The following SLC30A7 variants were observed in gnomAD, a reference collection of about 807,000 sequenced individuals.
SLC30A7 encodes the protein solute carrier family 30 member 7, also known as zinc transporter 7.
A neutral mutation model predicts 46.0 loss-of-function variants in SLC30A7; 35 were observed. The observed-to-expected ratio is 0.76, with a 90% CI of 0.58 to 1.01. The LOEUF is 1.01. Among genes scored for constraint, SLC30A7 ranks in the 50% least tolerant of loss-of-function variants. The pLI is 0.00. For missense variants in SLC30A7, 464 were observed against 451.1 expected, an observed-to-expected ratio of 1.03 and a Z score of -0.26; for synonymous variants, 147 against 157.8, an observed-to-expected ratio of 0.93 and a Z score of 0.51.
At chr1:100,994,987 T>C in the SLC30A7 span, 1 of 644,504 alleles carries the variant, frequency 1.6e-6, no homozygotes, top group Non-Finnish European at 2.8e-6. Flanking sequence ...AAATGCTTAA[T>C]GTTCACACTG....
chr1:100,914,557 A>G (rs1652354907), intron 6 of SLC30A7, among the ~76,000 whole-genome samples: 1 of 152,116 alleles, frequency 6.6e-6, no homozygotes, highest in African/African-American at 2.4e-5. Flanking sequence ...AAATCTTTGG[A>G]TGCTAACTTA....
At chr1:100,993,974 C>A in the SLC30A7 span, among the ~76,000 whole-genome samples, 1 of 151,980 alleles carries the variant, frequency 6.6e-6, no homozygotes, top group Non-Finnish European at 1.5e-5. Context: ...GAACTGCTGA[C>A]CTCGTGATCC....
At chr1:100,908,726 AG>A (rs1158913914) in intron 3 of SLC30A7, among the ~76,000 whole-genome samples, 2 of 152,122 alleles carry the variant, frequency 1.3e-5, no homozygotes, top group Non-Finnish European at 2.9e-5. Flanking sequence ...TATTAAAGAA[AG>A]ATTATATCCA....
At chr1:100,952,941 G>A (rs1655033612) in intron 8 of SLC30A7, among the ~76,000 whole-genome samples, 1 of 152,154 alleles carries the variant, frequency 6.6e-6, no homozygotes, top group Non-Finnish European at 1.5e-5. Flanking sequence ...GATATGGTTT[G>A]GATTTGTGTC....
At chr1:100,994,369 C>G in the SLC30A7 span, among the ~76,000 whole-genome samples, 1 of 152,124 alleles carries the variant, frequency 6.6e-6, no homozygotes, top group Non-Finnish European at 1.5e-5. Flanking sequence ...AGCCACATTT[C>G]AAATGCTCCT....
intron 6 of SLC30A7, among the ~76,000 whole-genome samples, chr1:100,914,066 A>T (rs1178575968): frequency 6.6e-6 from 1 of 152,000 alleles, no homozygotes; most frequent in Non-Finnish European, 1.5e-5. Context: ...TTTAATTTTT[A>T]ATTTTTGTGG....
intron 8 of SLC30A7, among the ~76,000 whole-genome samples, chr1:100,928,614 A>T (rs1053067504): frequency 6.6e-6 from 1 of 151,764 alleles, no homozygotes; most frequent in Non-Finnish European, 1.5e-5. Context: ...TTTATTTTTC[A>T]TAATATTTTT....
chr1:100,952,184 T>C (rs149620695), intron 8 of SLC30A7, among the ~76,000 whole-genome samples: 1 of 152,258 alleles, frequency 6.6e-6, no homozygotes, highest in East Asian at 1.9e-4. Flanking sequence ...GATAATTAAT[T>C]TGTGCTATTT....
intron 8 of SLC30A7, 136 bp from the exon 9 acceptor site, chr1:100,961,692 C>T (rs369829064): frequency 1.2e-4 from 55 of 456,276 alleles, no homozygotes; most frequent in African/African-American, 9.4e-4. Flanking sequence ...AAAACAATGA[C>T]TGGTTGATTG....
At chr1:100,919,914 G>A (rs1020593214) in intron 7 of SLC30A7, among the ~76,000 whole-genome samples, 2 of 151,976 alleles carry the variant, frequency 1.3e-5, no homozygotes, top group African/African-American at 4.8e-5. Context: ...GGCTTACTAA[G>A]GTTTTGGGGG....
At chr1:100,956,158 TTTAG>T (rs1360601108) in intron 8 of SLC30A7, among the ~76,000 whole-genome samples, 5 of 152,238 alleles carry the variant, frequency 3.3e-5, no homozygotes, top group African/African-American at 7.2e-5. Flanking sequence ...TGTCTTATAA[TTTAG>T]TTAATTTTAA....
intron 8 of SLC30A7, among the ~76,000 whole-genome samples, chr1:100,937,990 T>C (rs982278223): frequency 6.6e-6 from 1 of 152,230 alleles, no homozygotes; most frequent in Non-Finnish European, 1.5e-5. Flanking sequence ...TATTGAGAAG[T>C]CTGTCCTTTC....
chr1:100,900,009 TGAGAGAGA>T (rs34930575), intron 2 of SLC30A7, among the ~76,000 whole-genome samples: 2 of 148,806 alleles, frequency 1.3e-5, no homozygotes, highest in African/African-American at 4.9e-5. Context: ...AAGTGGGACT[TGAGAGAGA>T]GAGAGAGAGA....
intron 5 of SLC30A7, 57 bp downstream of exon 5, chr1:100,912,295 AT>A: frequency 6.4e-7 from 1 of 1,568,330 alleles, no homozygotes; most frequent in Non-Finnish European, 8.7e-7. Flanking sequence ...TGTCATAATT[AT>A]TTACTTGAGA....
intron 8 of SLC30A7, among the ~76,000 whole-genome samples, chr1:100,949,923 C>T (rs1054210203): frequency 1.3e-5 from 2 of 152,180 alleles, no homozygotes; most frequent in Non-Finnish European, 1.5e-5. Flanking sequence ...TCTGTCATGG[C>T]TTCCCTTGGC....
chr1:100,994,540 C>CTT, the SLC30A7 span, among the ~76,000 whole-genome samples: 4 of 142,506 alleles, frequency 2.8e-5, no homozygotes, highest in Non-Finnish European at 1.5e-5. Flanking sequence ...AAACCCATGC[C>CTT]TTTTTTTTTT....
intron 8 of SLC30A7, among the ~76,000 whole-genome samples, chr1:100,956,907 T>C (rs1434166217): frequency 6.6e-6 from 1 of 152,262 alleles, no homozygotes; most frequent in African/African-American, 2.4e-5. Context: ...ATGTGCCTTC[T>C]TCTAAATGGT....
chr1:100,991,751 T>C, the SLC30A7 span, among the ~76,000 whole-genome samples: 1 of 145,112 alleles, frequency 6.9e-6, no homozygotes, highest in Non-Finnish European at 1.5e-5. Flanking sequence ...ATTGCACCAC[T>C]GCACTCTAAC....
At chr1:100,937,098 CTTA>C (rs960179224) in intron 8 of SLC30A7, among the ~76,000 whole-genome samples, 2 of 152,036 alleles carry the variant, frequency 1.3e-5, no homozygotes, top group African/African-American at 4.8e-5. Flanking sequence ...TTTACATGTT[CTTA>C]TTATTTATTT....
Sources: gnomAD v4.1 joint callset for allele counts (sites outside exome capture counted in the v4.1 genomes callset) on GRCh38, gnomAD v4.1.1 for gene constraint, MANE v1.5 for transcripts, NCBI Gene and HGNC (gene_info 2026-07-23, HGNC 2026-07-21) for gene names.